Variants in CCSER1 observed in about 807,000 individuals in gnomAD.
CCSER1 encodes coiled-coil serine rich protein 1.
A neutral mutation model predicts 82.0 loss-of-function variants in CCSER1; 41 were observed. The ratio of observed to expected loss-of-function variants is 0.50; its 90% CI spans 0.39 to 0.65. The LOEUF is 0.65. CCSER1 is among the 30% of genes least tolerant of loss of function. The probability of loss-of-function intolerance (pLI) is 0.00; values close to 1 mark genes in which losing one functional copy is unlikely to be tolerated. For synonymous variants in CCSER1, 414 were observed against 383.9 expected, an observed-to-expected ratio of 1.08 and a Z score of -0.92; for missense variants, 1,119 against 1,064.2, an observed-to-expected ratio of 1.05 and a Z score of -0.72.
intron 10 of CCSER1, among the ~76,000 whole-genome samples, chr4:91,337,370 C>A (rs894368195): frequency 1.3e-5 from 2 of 152,126 alleles, no homozygotes; most frequent in Non-Finnish European, 2.9e-5. Context: ...GCCTCATCAT[C>A]TTCTGATACA....
intron 9 of CCSER1, among the ~76,000 whole-genome samples, chr4:91,080,607 A>C (rs2148798895): frequency 6.6e-6 from 1 of 152,076 alleles, no homozygotes; most frequent in Non-Finnish European, 1.5e-5. Context: ...AAAACCCTTC[A>C]AAAAATCAAT....
At chr4:91,085,178 A>AT (rs948364564) in intron 9 of CCSER1, among the ~76,000 whole-genome samples, 6 of 151,790 alleles carry the variant, frequency 4.0e-5, no homozygotes, top group Non-Finnish European at 8.8e-5. Context: ...CAAATATATA[A>AT]TTATTATTAT....
chr4:90,308,701 A>G lies in CCSER1; in HGVS notation c.417A>G (p.Lys139=), dbSNP rs1428920181. The change falls in exon 2 of 11, where the codon AAA becomes AAG. Residue 139 remains lysine (K), a synonymous_variant. Transcript: ENST00000509176. ...RSLTEDFERE[K]EHSTNKNVFI... ...TGACAGAGGATTTTGAAAGGGAAAAAGAGCACTCAACTAACAAGAATGTCT... is the reference window on the plus strand; with the variant it reads ...TGACAGAGGATTTTGAAAGGGAAAAGGAGCACTCAACTAACAAGAATGTCT... 1 of 1,613,592 alleles carries G rather than the reference A, an allele frequency of 6.2e-7. No homozygotes were observed. The highest frequency in any genetic ancestry group is 1.1e-5 in the South Asian group (1 of 91,060).
intron 6 of CCSER1, among the ~76,000 whole-genome samples, chr4:90,650,267 A>G (rs1728494182): frequency 6.6e-6 from 1 of 152,238 alleles, no homozygotes; most frequent in South Asian, 2.1e-4. Context: ...GGGTCAAGAA[A>G]GTGAAAACGA....
chr4:90,170,876 T>C (rs1314699158), intron 1 of CCSER1, among the ~76,000 whole-genome samples: 1 of 151,912 alleles, frequency 6.6e-6, no homozygotes, highest in Admixed American at 6.6e-5. Flanking sequence ...CTTCTGAGTA[T>C]GTAGCTAGCA....
intron 8 of CCSER1, among the ~76,000 whole-genome samples, chr4:90,845,531 T>A (rs1763124166): frequency 6.6e-6 from 1 of 152,096 alleles, no homozygotes; most frequent in South Asian, 2.1e-4. Flanking sequence ...TTACTGCCCA[T>A]CATAATCAAA....
chr4:91,262,139 A>G (rs1741237108), intron 10 of CCSER1, among the ~76,000 whole-genome samples: 1 of 152,184 alleles, frequency 6.6e-6, no homozygotes, highest in South Asian at 2.1e-4. Context: ...GTGGTGAAGA[A>G]CAAGGGTCTG....
At chr4:91,063,111 G>A (rs893980745) in intron 9 of CCSER1, among the ~76,000 whole-genome samples, 1 of 151,994 alleles carries the variant, frequency 6.6e-6, no homozygotes, top group Non-Finnish European at 1.5e-5. Context: ...AAGTAAAATA[G>A]AAAATCTTGA....
chr4:90,844,864 G>C (rs1334036599), intron 8 of CCSER1, among the ~76,000 whole-genome samples: 1 of 152,178 alleles, frequency 6.6e-6, no homozygotes, highest in Non-Finnish European at 1.5e-5. Flanking sequence ...CAAAGAGCCA[G>C]ACAGTAAGTA....
At chr4:91,282,164 G>T (rs970102151) in intron 10 of CCSER1, among the ~76,000 whole-genome samples, 4 of 152,062 alleles carry the variant, frequency 2.6e-5, no homozygotes, top group Admixed American at 1.3e-4. Context: ...ACCTATGTGT[G>T]CATATCCCAG....
intron 7 of CCSER1, among the ~76,000 whole-genome samples, chr4:90,740,061 C>A (rs1746294183): frequency 6.6e-6 from 1 of 152,128 alleles, no homozygotes; most frequent in Non-Finnish European, 1.5e-5. Flanking sequence ...GCCTTCGTCA[C>A]TATATCCCTC....
chr4:91,079,471 T>A (rs1195053539), intron 9 of CCSER1, among the ~76,000 whole-genome samples: 5 of 152,026 alleles, frequency 3.3e-5, no homozygotes, highest in Admixed American at 3.3e-4. Context: ...TGCAAAAACA[T>A]GCCAAATAAG....
At chr4:90,273,820 C>T (rs1489037604) in intron 1 of CCSER1, among the ~76,000 whole-genome samples, 2 of 152,022 alleles carry the variant, frequency 1.3e-5, no homozygotes, top group Admixed American at 6.6e-5. Context: ...ACTTGAAAAA[C>T]ATAGAAGAAA....
At chr4:91,472,920 G>A (rs1309128286) in intron 10 of CCSER1, among the ~76,000 whole-genome samples, 1 of 152,148 alleles carries the variant, frequency 6.6e-6, no homozygotes, top group Non-Finnish European at 1.5e-5. Flanking sequence ...AGCAAGAACT[G>A]TCAAAGGAGC....
intron 10 of CCSER1, among the ~76,000 whole-genome samples, chr4:91,501,078 C>T (rs1214580024): frequency 6.6e-6 from 1 of 151,182 alleles, no homozygotes; most frequent in African/African-American, 2.4e-5. Flanking sequence ...ATAGTCTGAC[C>T]CTATATTATT....
chr4:90,751,718 G>A (rs1038874670), intron 7 of CCSER1, among the ~76,000 whole-genome samples: 15 of 152,050 alleles, frequency 9.9e-5, no homozygotes, highest in Middle Eastern at 3.4e-3. Flanking sequence ...TTTCCAAATG[G>A]AAGTTTATTC....
At chr4:90,386,912 A>G (rs914374454) in intron 3 of CCSER1, among the ~76,000 whole-genome samples, 1 of 152,106 alleles carries the variant, frequency 6.6e-6, no homozygotes, top group Non-Finnish European at 1.5e-5. Context: ...GTGTTTTTTT[A>G]TGTCATTTAT....
At chr4:91,523,208 A>G (rs905490016) in intron 10 of CCSER1, among the ~76,000 whole-genome samples, 2 of 152,248 alleles carry the variant, frequency 1.3e-5, no homozygotes, top group Non-Finnish European at 2.9e-5. Flanking sequence ...CCAGCCTTGC[A>G]TCCCAGAAAT....
intron 7 of CCSER1, chr4:90,727,212 G>C (rs926003041): frequency 2.2e-6 from 1 of 455,456 alleles, no homozygotes; most frequent in African/African-American, 2.0e-5. Context: ...AGAATATTCA[G>C]CATTATATCA....
Sources: allele counts gnomAD v4.1 joint callset (sites outside exome capture counted in the v4.1 genomes callset), GRCh38; gene constraint gnomAD v4.1.1; transcripts MANE v1.5; gene names NCBI Gene and HGNC (gene_info 2026-07-23, HGNC 2026-07-21).